ENTPD1: variants seen among roughly 807,000 people sequenced by gnomAD.
The protein encoded by ENTPD1 is ATP diphosphohydrolase.
A neutral mutation model predicts 57.0 loss-of-function variants in ENTPD1; 33 were observed. The observed-to-expected ratio is 0.58, with a 90% CI of 0.44 to 0.77. The LOEUF (loss-of-function observed/expected upper bound fraction) is 0.77. Among genes scored for constraint, ENTPD1 ranks in the 30% least tolerant of loss-of-function variants. The pLI is 0.00. For missense variants in ENTPD1, 501 were observed against 603.4 expected, an observed-to-expected ratio of 0.83 and a Z score of 1.78; for synonymous variants, 202 against 218.8, an observed-to-expected ratio of 0.92 and a Z score of 0.68.
chr10:95,797,347 G>A (rs1268774073), intron 1 of ENTPD1, among the ~76,000 whole-genome samples: 1 of 152,212 alleles, frequency 6.6e-6, no homozygotes, highest in South Asian at 2.1e-4. Flanking sequence ...CAAGAGAAAG[G>A]CCTGGGCTGG....
At chr10:95,720,241 C>T (rs1045095903) in intron 1 of ENTPD1, among the ~76,000 whole-genome samples, 2 of 152,068 alleles carry the variant, frequency 1.3e-5, no homozygotes, top group South Asian at 2.1e-4. Context: ...ATTCTTTGCT[C>T]GTCCATATTG....
At chr10:95,783,188 C>G (rs2098164802) in intron 1 of ENTPD1, among the ~76,000 whole-genome samples, 1 of 152,134 alleles carries the variant, frequency 6.6e-6, no homozygotes, top group Non-Finnish European at 1.5e-5. Flanking sequence ...TGTCGCTGTT[C>G]TATTTGCTGA....
At chr10:95,789,755 T>TA (rs2098195492) in intron 1 of ENTPD1, among the ~76,000 whole-genome samples, 1 of 152,228 alleles carries the variant, frequency 6.6e-6, no homozygotes, top group Non-Finnish European at 1.5e-5. Context: ...TGACACCACT[T>TA]ACAGTTGATA....
At chr10:95,719,231 T>C (rs1350542538) in intron 1 of ENTPD1, among the ~76,000 whole-genome samples, 1 of 152,212 alleles carries the variant, frequency 6.6e-6, no homozygotes, top group Non-Finnish European at 1.5e-5. Flanking sequence ...TGTGTAAGGA[T>C]TCCTAGAGCT....
intron 7 of ENTPD1, among the ~76,000 whole-genome samples, chr10:95,856,820 G>A (rs2140945685): frequency 6.7e-6 from 1 of 149,942 alleles, no homozygotes; most frequent in South Asian, 2.1e-4. Context: ...ATCATATTTA[G>A]GTTATATATA....
At chr10:95,806,001 G>A (rs563652663) in intron 1 of ENTPD1, among the ~76,000 whole-genome samples, 1 of 152,248 alleles carries the variant, frequency 6.6e-6, no homozygotes, top group South Asian at 2.1e-4. Context: ...ATATCTTTGT[G>A]GTGTTCTCTG....
chr10:95,747,579 C>G (rs1039261433), intron 1 of ENTPD1, among the ~76,000 whole-genome samples: 2 of 152,196 alleles, frequency 1.3e-5, no homozygotes, highest in African/African-American at 2.4e-5. Context: ...ACCATTACTA[C>G]TTAGTCCAAT....
Position 95,871,757 on chromosome 10 carries a change from A to T in ENTPD1, c.*5374A>T. The T allele has an allele frequency of 3.0e-6, 3 of 985,448 alleles. No homozygotes were observed. Among genetic ancestry groups the T allele is most frequent in the Non-Finnish European group, 3.6e-6 (3 of 829,932 alleles). 61.0% of individuals were successfully genotyped at this position (985,448 alleles called of 1,614,324 possible). On this transcript the variant is annotated 3_prime_UTR_variant, in exon 10 of 10. Transcript: ENST00000371205. ...TGATGATCACCCTCATCAGCACTAG[A>T]GTTGACTTGTTTTTATAACCCCTTT...
chr10:95,737,389 C>CT (rs772973448), intron 1 of ENTPD1, among the ~76,000 whole-genome samples: 1,990 of 145,794 alleles, frequency 0.014, 20 homozygotes, highest in Middle Eastern at 0.059. Context: ...AAAATTAAAA[C>CT]TTTTTTTTTT....
chr10:95,779,546 C>T (rs1440397475), intron 1 of ENTPD1, among the ~76,000 whole-genome samples: 1 of 152,278 alleles, frequency 6.6e-6, no homozygotes, highest in South Asian at 2.1e-4. Context: ...TCATGTGCTG[C>T]AACTTCTTTT....
chr10:95,788,942 A>G (rs568855658), intron 1 of ENTPD1, among the ~76,000 whole-genome samples: 10 of 152,346 alleles, frequency 6.6e-5, no homozygotes, highest in African/African-American at 1.9e-4. Flanking sequence ...TTCTTTTAAA[A>G]GTAGCATCAC....
chr10:95,737,184 A>G (rs745398790), intron 1 of ENTPD1, among the ~76,000 whole-genome samples: 2 of 152,158 alleles, frequency 1.3e-5, no homozygotes, highest in Non-Finnish European at 2.9e-5. Context: ...TCAGTGCAGG[A>G]CAAAACAGAA....
intron 1 of ENTPD1, among the ~76,000 whole-genome samples, chr10:95,773,639 A>G (rs1589764543): frequency 2.6e-5 from 4 of 152,296 alleles, no homozygotes; most frequent in Admixed American, 2.6e-4. Context: ...CAAGAGAGTC[A>G]TCCTGTCCTT....
At chr10:95,748,745 TATTA>T (rs1375482403) in intron 1 of ENTPD1, among the ~76,000 whole-genome samples, 1 of 152,246 alleles carries the variant, frequency 6.6e-6, no homozygotes, top group Non-Finnish European at 1.5e-5. Context: ...AAGGTCCTGG[TATTA>T]ATTTTATTGG....
At chr10:95,786,641 A>C (rs1472407746) in intron 1 of ENTPD1, among the ~76,000 whole-genome samples, 3 of 152,202 alleles carry the variant, frequency 2.0e-5, no homozygotes, top group Admixed American at 2.0e-4. Context: ...GAAAGCACCA[A>C]ATCTAGTGAG....
At chr10:95,797,805 C>T (rs1227213274) in intron 1 of ENTPD1, among the ~76,000 whole-genome samples, 1 of 152,162 alleles carries the variant, frequency 6.6e-6, no homozygotes, top group East Asian at 1.9e-4. Flanking sequence ...CCACTAGGCC[C>T]ACCTTCAACA....
intron 1 of ENTPD1, among the ~76,000 whole-genome samples, chr10:95,760,496 TCAAATAAGCCTTTA>T (rs1286175449): frequency 2.0e-5 from 3 of 152,360 alleles, no homozygotes; most frequent in Admixed American, 1.3e-4. Context: ...GGTCGTGTAA[TCAAATAAGCCTTTA>T]CAAAGCAATC....
intron 2 of ENTPD1, among the ~76,000 whole-genome samples, chr10:95,834,487 G>C (rs1195473722): frequency 6.6e-6 from 1 of 152,194 alleles, no homozygotes; most frequent in East Asian, 1.9e-4. Context: ...TGAGACCTAT[G>C]GGCAACTGCA....
At chr10:95,712,991 G>A (rs1303937479) in intron 1 of ENTPD1, among the ~76,000 whole-genome samples, 2 of 150,490 alleles carry the variant, frequency 1.3e-5, no homozygotes, top group Non-Finnish European at 2.9e-5. Context: ...CAGAGATTGC[G>A]CCGCTGCACT....
Sources: allele counts gnomAD v4.1 joint callset (sites outside exome capture counted in the v4.1 genomes callset), GRCh38; gene constraint gnomAD v4.1.1; transcripts MANE v1.5; gene names NCBI Gene and HGNC (gene_info 2026-07-23, HGNC 2026-07-21).